The following ST3GAL3 variants were observed in gnomAD, a reference collection of about 807,000 sequenced individuals.
ST3GAL3 encodes ST3 beta-galactoside alpha-2,3-sialyltransferase 3.
ST3GAL3 carries 21 observed loss-of-function variants against 50.1 expected under a neutral mutation model. That is an observed-to-expected ratio of 0.42 (90% CI 0.30 to 0.60). The LOEUF (loss-of-function observed/expected upper bound fraction) is 0.60. Ranked by LOEUF, ST3GAL3 falls within the 20% of genes least tolerant of loss-of-function variation. ST3GAL3 has a pLI of 0.19. For missense variants in ST3GAL3, 353 were observed against 489.4 expected, an observed-to-expected ratio of 0.72 and a Z score of 2.63; for synonymous variants, 183 against 190.0, an observed-to-expected ratio of 0.96 and a Z score of 0.30.
chr1:43,925,296 CA>C lies in ST3GAL3; in HGVS notation c.1038+4383del, dbSNP rs57654790. ...TGGGTGACAGAACAAGACTGTGTCT[CA>C]AAAAAAAAAAAAAAGAGTGTAGCTT... is the stretch of plus-strand genomic sequence containing the variant. On this transcript the variant is annotated intron_variant, in intron 11 of 11. Coordinates refer to ENST00000347631, the MANE Select transcript of ST3GAL3 (RefSeq NM_006279.5). 6.2e-4 allele frequency among the ~76,000 whole-genome samples: 56 copies of C among 90,234 alleles called. 2 individuals carry two copies. The highest frequency in any genetic ancestry group is 1.0e-3 in the Admixed American group (7 of 6,752). 59.2% of individuals were successfully genotyped at this position (90,234 alleles called of 152,430 possible). A position where few individuals can be genotyped will look rare whatever the true frequency, so the allele number is the denominator to read the frequency against.
chr1:43,875,790 G>A (rs1570429775), intron 5 of ST3GAL3, among the ~76,000 whole-genome samples: 2 of 151,966 alleles, frequency 1.3e-5, no homozygotes, highest in South Asian at 2.1e-4. Flanking sequence ...TTATAGCAGC[G>A]TGAGAACAGA....
chr1:43,790,616 A>C (rs1165445797), intron 2 of ST3GAL3, among the ~76,000 whole-genome samples: 1 of 148,382 alleles, frequency 6.7e-6, no homozygotes, highest in East Asian at 2.0e-4. Flanking sequence ...ACAATCTTCA[A>C]CATCATATGG....
At chr1:43,842,778 A>G (rs2065613449) in intron 5 of ST3GAL3, 1 of 140,856 alleles carries the variant, frequency 7.1e-6, no homozygotes, top group South Asian at 2.3e-4. Flanking sequence ...TGCACTCTAC[A>G]CAAAGCAAGA....
At chr1:43,782,422 A>G (rs1321534896) in intron 2 of ST3GAL3, among the ~76,000 whole-genome samples, 2 of 152,222 alleles carry the variant, frequency 1.3e-5, no homozygotes, top group Non-Finnish European at 2.9e-5. Context: ...TTCCTGAAGC[A>G]AAAATCTGTT....
At position 43,899,624 on chromosome 1, in the gene ST3GAL3, T is replaced by C; in HGVS notation, c.641T>C (p.Met214Thr). 2 of 1,614,184 alleles carry C rather than the reference T, an allele frequency of 1.2e-6. No homozygotes were observed. Among genetic ancestry groups the C allele is most frequent in the Non-Finnish European group, 8.5e-7 (1 of 1,180,042 alleles). Residue 214 changes from methionine to threonine, a missense_variant, in exon 9 of 12, where the codon ATG (methionine) becomes ACG (threonine). Physicochemically the swap from Met to Thr is moderately conservative, Grantham distance 81 (BLOSUM62 -1). Coordinates refer to ENST00000347631, the MANE Select transcript of ST3GAL3 (RefSeq NM_006279.5). The surrounding 1 kb of genome is among the most constrained non-coding windows in gnomAD (Gnocchi z 5.4). ...TLRITYPEGAMQRPEQYERDS... is the reference protein window; with the variant it reads ...TLRITYPEGATQRPEQYERDS... The stretch of plus-strand genomic sequence containing the variant: ...CGCATCACCTACCCCGAGGGCGCCA[T>C]GCAGCGGCCTGAGCAGTACGAGCGC...
intron 9 of ST3GAL3, among the ~76,000 whole-genome samples, chr1:43,909,623 G>GGATAGAA (rs1428099275): frequency 3.9e-5 from 6 of 152,172 alleles, no homozygotes; most frequent in Non-Finnish European, 8.8e-5. Flanking sequence ...TTTAAAGTAA[G>GGATAGAA]GATAGAAATC....
At chr1:43,838,633 G>T in intron 5 of ST3GAL3, 1 of 337,646 alleles carries the variant, frequency 3.0e-6, no homozygotes, top group Non-Finnish European at 5.8e-6. Context: ...CCTAGACCTA[G>T]TATCAGTGGC....
At chr1:43,745,161 T>C (rs1161735456) in intron 2 of ST3GAL3, among the ~76,000 whole-genome samples, 1 of 152,146 alleles carries the variant, frequency 6.6e-6, no homozygotes, top group Non-Finnish European at 1.5e-5. Context: ...CAAATATGAC[T>C]CTCTTTCCTT....
chr1:43,784,033 A>T (rs2056951115), intron 2 of ST3GAL3, among the ~76,000 whole-genome samples: 1 of 152,104 alleles, frequency 6.6e-6, no homozygotes, highest in Non-Finnish European at 1.5e-5. Context: ...ACCCTACTAA[A>T]TTAGTTAGGT....
chr1:43,736,165 C>A (rs1233142204), intron 1 of ST3GAL3, 68 bp from the exon 2 acceptor site: 6 of 1,408,730 alleles, frequency 4.3e-6, no homozygotes, highest in Non-Finnish European at 6.0e-6. Flanking sequence ...TCTATAGATA[C>A]TTTAAGAGAG....
intron 5 of ST3GAL3, among the ~76,000 whole-genome samples, chr1:43,885,068 C>T (rs552481173): frequency 1.3e-5 from 2 of 152,236 alleles, no homozygotes; most frequent in Non-Finnish European, 2.9e-5. Flanking sequence ...TCACCTTATA[C>T]GCTGCACCTT....
At position 43,792,039 on chromosome 1, in the gene ST3GAL3, G is replaced by T. The variant is rs1380098746; in HGVS notation, c.119-63G>T. The T allele has an allele frequency of 3.1e-6, 5 of 1,603,176 alleles. No homozygotes were observed. In the African/African-American group the frequency reaches 5.4e-5, roughly 17 times the overall value. On this transcript the variant is annotated intron_variant, in intron 2 of 11. Transcript: ENST00000347631. ...TTGAGGGAGGGTTTGGGCAGAGCCAGTGGGAGCTTGCTTTTTTATTATAAG... is the reference window on the plus strand; with the variant it reads ...TTGAGGGAGGGTTTGGGCAGAGCCATTGGGAGCTTGCTTTTTTATTATAAG...
At chr1:43,869,334 C>G (rs1570242066) in intron 5 of ST3GAL3, among the ~76,000 whole-genome samples, 1 of 152,190 alleles carries the variant, frequency 6.6e-6, no homozygotes, top group Non-Finnish European at 1.5e-5. Flanking sequence ...ATCAGTTGTT[C>G]AGAGATTTGA....
At chr1:43,748,423 ATTT>A (rs1215322512) in intron 2 of ST3GAL3, among the ~76,000 whole-genome samples, 3 of 111,138 alleles carry the variant, frequency 2.7e-5, no homozygotes, top group African/African-American at 7.3e-5. Context: ...AACAGCCCCC[ATTT>A]TTTTTTTTTT....
chr1:43,713,740 T>C (rs1665931977), intron 1 of ST3GAL3, among the ~76,000 whole-genome samples: 1 of 152,154 alleles, frequency 6.6e-6, no homozygotes, highest in African/African-American at 2.4e-5. Context: ...TTCACCATAT[T>C]GCCCACGCTG....
intron 2 of ST3GAL3, among the ~76,000 whole-genome samples, chr1:43,781,236 T>C (rs1699262187): frequency 6.6e-6 from 1 of 151,734 alleles, no homozygotes; most frequent in Admixed American, 6.6e-5. Context: ...GTAATCTAAA[T>C]CAGGTCAGCA....
At position 43,930,986 on chromosome 1, in the gene ST3GAL3, C is replaced by T. The variant is rs529017815; in HGVS notation, c.*765C>T. On this transcript the variant is annotated 3_prime_UTR_variant, in exon 12 of 12. Transcript: ENST00000347631. ...AGCTGCAGCTGATCCATAGGACTACCGCAGGCCCGGACTCACCAACTTGCC... is the reference window on the plus strand; with the variant it reads ...AGCTGCAGCTGATCCATAGGACTACTGCAGGCCCGGACTCACCAACTTGCC... 5.2e-5 allele frequency: 8 copies of T among 154,834 alleles called. No homozygotes were observed. The South Asian group carries it at 8.1e-4, about 16-fold the overall frequency. 9.6% of individuals were successfully genotyped at this position (154,834 alleles called of 1,614,324 possible). A position where few individuals can be genotyped will look rare whatever the true frequency, so the allele number is the denominator to read the frequency against.
chr1:43,777,378 T>C (rs11587427), intron 2 of ST3GAL3, among the ~76,000 whole-genome samples: 27,457 of 152,092 alleles, frequency 0.18, 3,348 homozygotes, highest in Non-Finnish European at 0.26. Flanking sequence ...CTTCAAACTA[T>C]ACTTCAAGGC....
intron 4 of ST3GAL3, among the ~76,000 whole-genome samples, chr1:43,837,243 C>T (rs561562531): frequency 2.6e-5 from 4 of 152,202 alleles, no homozygotes; most frequent in Admixed American, 6.5e-5. Flanking sequence ...TAGCCCAATC[C>T]GAGGGTCAGG....
Sources: gnomAD v4.1 joint callset for allele counts (sites outside exome capture counted in the v4.1 genomes callset) on GRCh38, gnomAD v4.1.1 for gene constraint, Gnocchi (gnomAD v3.1) non-coding constraint, MANE v1.5 for transcripts, NCBI Gene and HGNC (gene_info 2026-07-23, HGNC 2026-07-21) for gene names.